Variants in CSMD2 observed in about 807,000 individuals in gnomAD.
CSMD2 encodes CUB and sushi domain-containing protein 2.
CSMD2 carries 130 observed loss-of-function variants against 398.5 expected under a neutral mutation model. The observed-to-expected ratio is 0.33, with a 90% CI of 0.28 to 0.38. The LOEUF (loss-of-function observed/expected upper bound fraction) is 0.38, where lower values mean the gene tolerates loss of function less well. Ranked by LOEUF, CSMD2 falls within the 10% of genes least tolerant of loss-of-function variation. The pLI is 1.00. For synonymous variants in CSMD2, 1,828 were observed against 1,908.5 expected (o/e 0.96, Z 1.10); for missense variants, 3,829 against 4,764.9 (o/e 0.80, Z 5.78).
At chr1:33,630,956 CAG>C (rs1163851363) in intron 32 of CSMD2, among the ~76,000 whole-genome samples, 2 of 151,366 alleles carry the variant, frequency 1.3e-5, no homozygotes, top group African/African-American at 4.9e-5. Flanking sequence ...CTTTATTACA[CAG>C]AGAAAATAAT....
At chr1:33,595,062 T>C (rs1005021717) in intron 44 of CSMD2, among the ~76,000 whole-genome samples, 8 of 152,236 alleles carry the variant, frequency 5.3e-5, no homozygotes, top group African/African-American at 1.7e-4. Context: ...CACTGACACA[T>C]TACTGCCATC....
At chr1:33,708,973 T>C in intron 22 of CSMD2, 116 bp downstream of exon 22, 1 of 888,676 alleles carries the variant, frequency 1.1e-6, no homozygotes, top group East Asian at 2.5e-5. Context: ...GGACAGTATT[T>C]TGGGACTCAG....
intron 7 of CSMD2, among the ~76,000 whole-genome samples, chr1:33,823,688 C>T (rs1197437322): frequency 6.6e-6 from 1 of 152,200 alleles, no homozygotes; most frequent in Non-Finnish European, 1.5e-5. Flanking sequence ...TTGGGCAGAA[C>T]ACAGGAGGCC....
In CSMD2 at chr1:33,804,315, T is replaced by C. The variant is rs544760796; in HGVS notation, c.1446+6428A>G. Among the ~76,000 whole-genome samples, 7 of 152,330 alleles carry C rather than the reference T, an allele frequency of 4.6e-5. No individual in the cohort carries two copies. The South Asian group carries it at 1.5e-3, about 32-fold the overall frequency. Reference sequence around the variant, plus strand: ...GATCTGAATCCTGCTTACCTTTCTGTCCTTACCTGCATCCAGGCATGTTGA... The same window carrying C: ...GATCTGAATCCTGCTTACCTTTCTGCCCTTACCTGCATCCAGGCATGTTGA... On this transcript the variant is annotated intron_variant, in intron 10 of 70. Transcript: ENST00000373381.
At chr1:33,843,837 C>T (rs979827607) in intron 6 of CSMD2, among the ~76,000 whole-genome samples, 5 of 152,218 alleles carry the variant, frequency 3.3e-5, no homozygotes, top group African/African-American at 1.2e-4. Flanking sequence ...CCTGTGGTCC[C>T]CTCCTCCTGC....
At chr1:33,568,825 G>A (rs536087143) in intron 52 of CSMD2, among the ~76,000 whole-genome samples, 1 of 152,186 alleles carries the variant, frequency 6.6e-6, no homozygotes, top group East Asian at 1.9e-4. Flanking sequence ...TGTGGCTGGG[G>A]CCCTCTTTTA....
At chr1:33,630,356 A>G (rs866957020) in intron 32 of CSMD2, among the ~76,000 whole-genome samples, 1 of 152,358 alleles carries the variant, frequency 6.6e-6, no homozygotes, top group Middle Eastern at 3.4e-3. Flanking sequence ...GTTGAGAATC[A>G]CTGATACAAT....
chr1:33,897,954 G>A (rs1420766711), intron 5 of CSMD2, among the ~76,000 whole-genome samples: 2 of 152,074 alleles, frequency 1.3e-5, no homozygotes, highest in East Asian at 3.9e-4. Flanking sequence ...GTGAGTGTGG[G>A]TGTAAGGTGG....
chr1:34,011,188 T>A (rs1647283477), intron 3 of CSMD2, among the ~76,000 whole-genome samples: 2 of 152,130 alleles, frequency 1.3e-5, no homozygotes, highest in African/African-American at 4.8e-5. Flanking sequence ...CATGAGTGAA[T>A]CCCCACTGCC....
chr1:33,984,103 G>A (rs556237837), intron 3 of CSMD2, among the ~76,000 whole-genome samples: 100 of 152,110 alleles, frequency 6.6e-4, no homozygotes, highest in African/African-American at 2.0e-3. Flanking sequence ...GCAGGGAGCC[G>A]AGATCGCGCC....
chr1:33,847,462 A>T (rs1337101676), intron 5 of CSMD2, among the ~76,000 whole-genome samples: 1 of 151,986 alleles, frequency 6.6e-6, no homozygotes, highest in Non-Finnish European at 1.5e-5. Flanking sequence ...GTTCTTATCC[A>T]GGTTTCACCA....
intron 11 of CSMD2, among the ~76,000 whole-genome samples, chr1:33,789,806 C>G (rs929919161): frequency 2.6e-5 from 4 of 152,170 alleles, no homozygotes; most frequent in Non-Finnish European, 5.9e-5. Context: ...AGGATTGTGG[C>G]CAGGCCAGTG....
chr1:34,099,576 AAGG>A (rs1659746264), intron 1 of CSMD2, among the ~76,000 whole-genome samples: 2 of 152,232 alleles, frequency 1.3e-5, no homozygotes, highest in South Asian at 4.1e-4. Context: ...GAAAGAAGTG[AAGG>A]AGTTCAGAAC....
chr1:33,689,008 A>G (rs1164813186), intron 25 of CSMD2, among the ~76,000 whole-genome samples: 2 of 148,060 alleles, frequency 1.4e-5, no homozygotes. Context: ...TTGGGGGTTG[A>G]GGCGGAGGGA....
chr1:33,827,758 A>T (rs1381316386), intron 6 of CSMD2, among the ~76,000 whole-genome samples: 2 of 152,216 alleles, frequency 1.3e-5, no homozygotes, highest in Non-Finnish European at 2.9e-5. Context: ...ATAGATAATC[A>T]AATCAGGGTT....
chr1:33,593,569 A>G (rs1031836926), intron 44 of CSMD2, among the ~76,000 whole-genome samples: 2 of 152,218 alleles, frequency 1.3e-5, no homozygotes, highest in Non-Finnish European at 2.9e-5. Context: ...ACTGACTATC[A>G]TGAGACTAGC....
In CSMD2 at chr1:34,163,906, A is replaced by T. The variant is rs1641594034; in HGVS notation, c.187+1005T>A. On this transcript the variant is annotated intron_variant, in intron 1 of 70. Coordinates refer to ENST00000373381, the MANE Select transcript of CSMD2 (RefSeq NM_001281956.2). This position sits in a 1 kb window ranked among gnomAD's most constrained non-coding sequence, Gnocchi z 5.4. The stretch of plus-strand genomic sequence containing the variant: ...AAGCGGGAGGGCACCAGTCGCGGCC[A>T]GTAGCCTCCACAGGGGACCGGGTTC... Among the ~76,000 whole-genome samples the T allele has an allele frequency of 6.6e-6, 1 of 152,128 alleles. No individual in the cohort carries two copies.
At chr1:33,782,223 A>C (rs1375739512) in intron 12 of CSMD2, among the ~76,000 whole-genome samples, 1 of 151,630 alleles carries the variant, frequency 6.6e-6, no homozygotes, top group Non-Finnish European at 1.5e-5. Context: ...CGAGATGTCT[A>C]TCCTGTGTGG....
intron 62 of CSMD2, among the ~76,000 whole-genome samples, chr1:33,534,487 C>G (rs558679167): frequency 2.4e-4 from 37 of 152,194 alleles, no homozygotes; most frequent in Admixed American, 1.8e-3. Flanking sequence ...CTGCTCTGCT[C>G]AGTTATGTTC....
Sources: allele counts gnomAD v4.1 joint callset (sites outside exome capture counted in the v4.1 genomes callset), GRCh38; gene constraint gnomAD v4.1.1; non-coding constraint Gnocchi (gnomAD v3.1); transcripts MANE v1.5; gene names NCBI Gene and HGNC (gene_info 2026-07-23, HGNC 2026-07-21).